TEK: variants seen among roughly 807,000 people sequenced by gnomAD.
TEK encodes the protein TEK receptor tyrosine kinase.
TEK carries 43 observed loss-of-function variants against 131.8 expected under a neutral mutation model. The ratio of observed to expected loss-of-function variants is 0.33; its 90% CI spans 0.26 to 0.42. The LOEUF is 0.42. Ranked by LOEUF, TEK falls within the 10% of genes least tolerant of loss-of-function variation. TEK has a pLI of 1.00. For missense variants in TEK, 1,162 were observed against 1,384.4 expected, an observed-to-expected ratio of 0.84 and a Z score of 2.55; for synonymous variants, 580 against 491.6, an observed-to-expected ratio of 1.18 and a Z score of -2.38.
intron 12 of TEK, among the ~76,000 whole-genome samples, chr9:27,200,513 G>T (rs1825177586): frequency 6.6e-6 from 1 of 152,208 alleles, no homozygotes; most frequent in South Asian, 2.1e-4. Flanking sequence ...CAGGGTAGGA[G>T]TTGATCCCTA....
intron 1 of TEK, among the ~76,000 whole-genome samples, chr9:27,138,952 G>A (rs1822610572): frequency 6.6e-6 from 1 of 152,074 alleles, no homozygotes; most frequent in Admixed American, 6.5e-5. Context: ...GCTCAAGCCT[G>A]TAATCCCAGC....
At chr9:27,213,743 TC>T (rs1271468749) in intron 18 of TEK, 146 bp downstream of exon 18, 9 of 687,670 alleles carry the variant, frequency 1.3e-5, no homozygotes, top group East Asian at 5.7e-5. Flanking sequence ...TGGGAAACAT[TC>T]TTTCTAAATG....
At chr9:27,143,043 C>A (rs901826348) in intron 1 of TEK, among the ~76,000 whole-genome samples, 4 of 152,190 alleles carry the variant, frequency 2.6e-5, no homozygotes, top group African/African-American at 9.7e-5. Flanking sequence ...CTTTAAAGAG[C>A]CGCTCTAGGG....
At chr9:27,217,594 C>G in intron 18 of TEK, 94 bp from the exon 19 acceptor site, 1 of 1,078,750 alleles carries the variant, frequency 9.3e-7, no homozygotes, top group Non-Finnish European at 1.4e-6. Context: ...CTGAGTCTAC[C>G]CAGCAATCAT....
chr9:27,214,229 T>A (rs1825737197), intron 18 of TEK, among the ~76,000 whole-genome samples: 1 of 152,244 alleles, frequency 6.6e-6, no homozygotes, highest in Non-Finnish European at 1.5e-5. Context: ...TAGAATCACA[T>A]AGTCCTAGAA....
chr9:27,192,271 C>T (rs1417304429), intron 10 of TEK, among the ~76,000 whole-genome samples: 1 of 152,144 alleles, frequency 6.6e-6, no homozygotes, highest in Non-Finnish European at 1.5e-5. Context: ...CACAGAAATA[C>T]ACACTTTAAT....
Position 27,229,305 on chromosome 9 carries a change from T to A in TEK, c.*73T>A. The A allele has an allele frequency of 7.0e-7, 1 of 1,425,634 alleles. No homozygotes were observed. The highest frequency in any genetic ancestry group is 1.1e-5 in the South Asian group (1 of 87,246). 88.3% of individuals were successfully genotyped at this position (1,425,634 alleles called of 1,614,324 possible). A position where few individuals can be genotyped will look rare whatever the true frequency, so the allele number is the denominator to read the frequency against. ...ACCCTTGACACCTGCTGAGAAAACA[T>A]GCCTCTGCCAAAGGATGTGATATAT... On this transcript the variant is annotated 3_prime_UTR_variant, in exon 23 of 23. Coordinates refer to ENST00000380036, the MANE Select transcript of TEK (RefSeq NM_000459.5).
chr9:27,195,544 A>T (rs1025875873), intron 11 of TEK: 2 of 430,714 alleles, frequency 4.6e-6, no homozygotes, highest in Non-Finnish European at 9.2e-6. Context: ...CATAGGAGTG[A>T]TTGTGTCCCT....
Position 27,136,112 on chromosome 9 carries a change from C to T in TEK, c.53-21719C>T, listed in dbSNP as rs567365712. Among the ~76,000 whole-genome samples, 11 of 131,138 alleles carry T rather than the reference C, an allele frequency of 8.4e-5. 1 individual carries two copies. Among genetic ancestry groups the T allele is most frequent in the African/African-American group, 2.2e-4 (8 of 36,384 alleles). 86.0% of individuals were successfully genotyped at this position (131,138 alleles called of 152,430 possible). A position where few individuals can be genotyped will look rare whatever the true frequency, so the allele number is the denominator to read the frequency against. On this transcript the variant is annotated intron_variant, in intron 1 of 22. Coordinates refer to ENST00000380036, the MANE Select transcript of TEK (RefSeq NM_000459.5). ...TTTTTTTTTTTTTGAGATGGAGTCTCGCTCTGTCACTCAGGTTGGAGTGCA... is the reference window on the plus strand; with the variant it reads ...TTTTTTTTTTTTTGAGATGGAGTCTTGCTCTGTCACTCAGGTTGGAGTGCA...
chr9:27,185,044 A>C (rs1426261545), intron 8 of TEK, among the ~76,000 whole-genome samples: 2 of 151,906 alleles, frequency 1.3e-5, no homozygotes, highest in Non-Finnish European at 2.9e-5. Flanking sequence ...GTCTCTCAAA[A>C]AAAAAAAAAT....
At position 27,219,086 on chromosome 9, in the gene TEK, C is replaced by G. The variant is rs1395215523; in HGVS notation, c.3103+269C>G. 1.3e-5 allele frequency among the ~76,000 whole-genome samples: 2 copies of G among 152,170 alleles called. 1 individual carries two copies. Among genetic ancestry groups the G allele is most frequent in the Non-Finnish European group, 2.9e-5 (2 of 68,036 alleles). On this transcript the variant is annotated intron_variant, in intron 20 of 22. Transcript: ENST00000380036. ...CTTGTACAAGTTGCCAGGTTAACTT[C>G]TAAAACTCTTAGATTATGCAGCTAT...
rs1314840334 is a variant in TEK at position 27,202,983 on chromosome 9, T to C, written c.2073T>C (p.Asn691=). The change falls in exon 13 of 23, where the codon AAT becomes AAC. Residue 691 remains asparagine, a synonymous_variant. Coordinates refer to ENST00000380036, the MANE Select transcript of TEK (RefSeq NM_000459.5). ...EDQHVDVKIK[N]ATITQYQLKG... ...AGCACGTTGATGTGAAGATAAAGAA[T>C]GCCACCATCACTCAGTATCAGCTCA... The C allele has an allele frequency of 6.2e-7, 1 of 1,614,082 alleles. No individual in the cohort carries two copies. Among genetic ancestry groups the C allele is most frequent in the East Asian group, 2.2e-5 (1 of 44,860 alleles).
At chr9:27,173,464 A>T in intron 6 of TEK, 102 bp downstream of exon 6, 1 of 1,414,420 alleles carries the variant, frequency 7.1e-7, no homozygotes, top group Admixed American at 1.7e-5. Context: ...TGGACTGCTT[A>T]GCTACCCACT....
In TEK at chr9:27,192,524, C is replaced by A. The variant is rs770814923; in HGVS notation, c.1525C>A (p.Pro509Thr). 7.4e-6 allele frequency: 12 copies of A among 1,613,848 alleles called. No homozygotes were observed. The highest frequency in any genetic ancestry group is 1.7e-5 in the Admixed American group (1 of 59,994). Residue 509 changes from proline to threonine, a missense_variant, in exon 11 of 23, where the codon CCT becomes ACT. By Grantham distance (38) the Pro-to-Thr change is conservative (BLOSUM62 -1). This residue lies in a region of TEK where 477 missense variants were observed against 471.0 expected (regional missense o/e 1.01). Transcript: ENST00000380036. The stretch of plus-strand genomic sequence containing the variant: ...GATTGTTACACTCAACTATTTGGAA[C>A]CTCGGACAGAATATGAACTCTGTGT... ...NEIVTLNYLE[P>T]RTEYELCVQL...
Position 27,169,485 on chromosome 9 carries a change from A to T in TEK, c.484A>T (p.Ile162Phe), listed in dbSNP as rs752000002. 46 of 1,613,888 alleles carry T rather than the reference A, an allele frequency of 2.9e-5. 2 individuals are homozygous for T. Among genetic ancestry groups the T allele is most frequent in the Middle Eastern group, 3.3e-4 (2 of 6,056 alleles). ...DAVIYKNGSF[I>F]HSVPRHEVPD... ...CTCTTCCCTCTTACTAGGTTCCTTC[A>T]TCCATTCAGTGCCCCGGCATGAAGT... The change falls in exon 4 of 23, where the codon ATC (isoleucine) becomes TTC (phenylalanine). Residue 162 changes from isoleucine (I) to phenylalanine (F), a missense_variant. This residue lies in a region of TEK where 436 missense variants were observed against 539.1 expected (regional missense o/e 0.81). Coordinates refer to ENST00000380036, the MANE Select transcript of TEK (RefSeq NM_000459.5).
chr9:27,204,914 C>T lies in TEK; in HGVS notation c.2213C>T (p.Pro738Leu), dbSNP rs771889665. ...ELVTLPESQA[P>L]ADLGGGKMLL... The stretch of plus-strand genomic sequence containing the variant: ...TCACCTCTGTCTTCCTGCACAGCAC[C>T]AGCGGACCTCGGAGGGGGGAAGATG... The change falls in exon 14 of 23, where the codon CCA becomes CTA. Residue 738 changes from proline (P) to leucine (L), a missense_variant. By Grantham distance (98) the Pro-to-Leu change is moderately conservative. Coordinates refer to ENST00000380036, the MANE Select transcript of TEK (RefSeq NM_000459.5). The T allele has an allele frequency of 1.5e-5, 25 of 1,613,756 alleles. No individual in the cohort carries two copies. The highest frequency in any genetic ancestry group is 2.1e-5 in the Non-Finnish European group (25 of 1,179,870).
At chr9:27,204,779 A>G in intron 13 of TEK, 132 bp from the exon 14 acceptor site, 2 of 1,150,872 alleles carry the variant, frequency 1.7e-6, no homozygotes, top group Non-Finnish European at 2.6e-6. Flanking sequence ...GCCCGAGGTC[A>G]TATAGTGGTT....
chr9:27,149,651 G>A (rs1039114201), intron 1 of TEK, among the ~76,000 whole-genome samples: 1 of 152,092 alleles, frequency 6.6e-6, no homozygotes, highest in Non-Finnish European at 1.5e-5. Flanking sequence ...TCTCCTCTTT[G>A]TGCAGGCAAG....
At chr9:27,212,003 AAG>A (rs1226751012) in intron 16 of TEK, among the ~76,000 whole-genome samples, 2 of 150,330 alleles carry the variant, frequency 1.3e-5, no homozygotes, top group South Asian at 2.1e-4. Context: ...TAAAAAAAAA[AAG>A]AGAGAGAGAA....
Sources: gnomAD v4.1 joint callset for allele counts (sites outside exome capture counted in the v4.1 genomes callset) on GRCh38, gnomAD v4.1.1 for gene constraint, gnomAD v4.1.1 regional missense constraint, MANE v1.5 for transcripts, NCBI Gene and HGNC (gene_info 2026-07-23, HGNC 2026-07-21) for gene names.